The following FER1L5 variants were observed in gnomAD, a reference collection of about 807,000 sequenced individuals.
The protein encoded by FER1L5 is fer-1-like protein 5.
A neutral mutation model predicts 279.9 loss-of-function variants in FER1L5; 187 were observed. That is an observed-to-expected ratio of 0.67 (90% CI 0.59 to 0.75). FER1L5 has a LOEUF of 0.75. Among genes scored for constraint, FER1L5 ranks in the 30% least tolerant of loss-of-function variants. The probability of loss-of-function intolerance (pLI) is 0.00; values close to 1 mark genes in which losing one functional copy is unlikely to be tolerated. For missense variants in FER1L5, 2,091 were observed against 2,594.4 expected (o/e 0.81, Z 4.21); for synonymous variants, 921 against 989.7 (o/e 0.93, Z 1.30).
Position 96,694,109 on chromosome 2 carries a change from C to T in FER1L5, c.3636+37C>T, listed in dbSNP as rs2077266147. 1.3e-6 allele frequency: 2 copies of T among 1,515,698 alleles called. No individual in the cohort carries two copies. The highest frequency in any genetic ancestry group is 2.5e-5 in the East Asian group (1 of 40,666). The allele number at this position is 1,515,698 out of a possible 1,614,324, so 93.9% of individuals were successfully genotyped here. ...GAGGGCCTGGCTGGGAAGTGTGGCACTCAGTGCCCCTCCCCGTCCCACCCC... is the reference window on the plus strand; with the variant it reads ...GAGGGCCTGGCTGGGAAGTGTGGCATTCAGTGCCCCTCCCCGTCCCACCCC... On this transcript the variant is annotated intron_variant, in intron 33 of 52. Coordinates refer to ENST00000624922, the MANE Select transcript of FER1L5 (RefSeq NM_001293083.2). This position sits in a 1 kb window ranked among gnomAD's most constrained non-coding sequence, Gnocchi z 4.6.
At position 96,670,128 on chromosome 2, in the gene FER1L5, G is replaced by C; in HGVS notation, c.1372G>C (p.Asp458His). The change falls in exon 18 of 53, where the codon GAC (aspartate) becomes CAC (histidine). Residue 458 changes from aspartate (D) to histidine (H), a missense_variant. Asp to His is a moderately conservative substitution (Grantham distance 81). Coordinates refer to ENST00000624922, the MANE Select transcript of FER1L5 (RefSeq NM_001293083.2). ...CTCTCGCTTGCCCTAGTGTATTCCC[G>C]ACTCTGTTAGGGATGGTTTAGCTTA... ...RIQEEGACIP[D>H]SVRDGLAYRG... is the part of the protein sequence containing the mutation. 6.4e-7 allele frequency: 1 copy of C among 1,551,468 alleles called. No individual in the cohort carries two copies. The highest frequency in any genetic ancestry group is 1.2e-5 in the South Asian group (1 of 84,042).
At chr2:96,659,465 C>CTT (rs1225831962) in intron 9 of FER1L5, among the ~76,000 whole-genome samples, 4 of 25,398 alleles carry the variant, frequency 1.6e-4, no homozygotes, top group African/African-American at 3.6e-4. Context: ...TTCTTTCTTT[C>CTT]TTTCTTTCTT....
At position 96,689,663 on chromosome 2, in the gene FER1L5, A is replaced by G. The variant is rs2077065641; in HGVS notation, c.2545A>G (p.Ile849Val). 1.3e-6 allele frequency: 2 copies of G among 1,551,118 alleles called. No individual in the cohort carries two copies. The highest frequency in any genetic ancestry group is 1.7e-6 in the Non-Finnish European group (2 of 1,146,884). ...PQRRLLLDID[I>V]NKSQVLEEVY... ...CCCCAGGCTCCTCCTGGACATAGAC[A>G]TCAACAAGAGCCAGGTGCTGGAGGA... Residue 849 changes from isoleucine to valine, a missense_variant, in exon 26 of 53, where the codon ATC (isoleucine) becomes GTC (valine). Transcript: ENST00000624922. This position sits in a 1 kb window ranked among gnomAD's most constrained non-coding sequence, Gnocchi z 4.6.
rs746419138 is a variant in FER1L5, at chr2:96,700,462, C to A, written c.5061C>A (p.Gly1687=). The part of the protein sequence containing the change: ...TRTLYSHSQP[G]IDQGKVQMWV... ...CACTGTACAGCCACAGCCAGCCAGG[C>A]ATCGACCAGGTATGAGACTGGAGGG... is the stretch of plus-strand genomic sequence containing the variant. The change falls in exon 45 of 53, where the codon GGC becomes GGA. Residue 1687 remains glycine, a synonymous_variant. Transcript: ENST00000624922. 1 of 1,613,398 alleles carries A rather than the reference C, an allele frequency of 6.2e-7. No homozygotes were observed. Among genetic ancestry groups the A allele is most frequent in the Non-Finnish European group, 8.5e-7 (1 of 1,179,882 alleles).
intron 9 of FER1L5, among the ~76,000 whole-genome samples, chr2:96,658,993 T>C (rs1358478288): frequency 6.6e-6 from 1 of 152,116 alleles, no homozygotes; most frequent in Non-Finnish European, 1.5e-5. Flanking sequence ...TCACCCAGGC[T>C]GGAGTGCAGT....
intron 24 of FER1L5, among the ~76,000 whole-genome samples, chr2:96,688,403 G>T (rs1006332386): frequency 2.6e-5 from 4 of 152,276 alleles, no homozygotes; most frequent in Admixed American, 2.6e-4. Flanking sequence ...GGAGGTGAAG[G>T]CCTAGAATGG....
intron 19 of FER1L5, among the ~76,000 whole-genome samples, chr2:96,678,213 C>T (rs1180017860): frequency 6.6e-6 from 1 of 151,442 alleles, no homozygotes; most frequent in Non-Finnish European, 1.5e-5. Context: ...CAACCTCCGC[C>T]CGCCCCCCGG....
At chr2:96,651,466 TCCG>T (rs2075378728) in intron 6 of FER1L5, among the ~76,000 whole-genome samples, 2 of 147,338 alleles carry the variant, frequency 1.4e-5, no homozygotes, top group African/African-American at 2.5e-5. Context: ...TTTTCCTTCC[TCCG>T]TCCCTCCCTC....
intron 18 of FER1L5, 65 bp downstream of exon 18, chr2:96,670,312 G>C (rs909865521): frequency 5.2e-6 from 8 of 1,538,928 alleles, no homozygotes; most frequent in Non-Finnish European, 7.0e-6. Context: ...ATCTACTGTG[G>C]ATCCCAGTTT....
At chr2:96,660,470 G>C (rs187025432) in intron 10 of FER1L5, 99 bp downstream of exon 10, 2 of 1,029,154 alleles carry the variant, frequency 1.9e-6, no homozygotes. Context: ...CATGGGTGGA[G>C]GGGAGTATTA....
chr2:96,654,413 A>G, intron 8 of FER1L5, 33 bp from the exon 9 acceptor site: 1 of 399,012 alleles, frequency 2.5e-6, no homozygotes, highest in Non-Finnish European at 4.4e-6. Flanking sequence ...GGGATTGTGA[A>G]TAATTAAAAT....
intron 23 of FER1L5, among the ~76,000 whole-genome samples, chr2:96,686,789 C>T (rs1425853890): frequency 7.3e-6 from 1 of 137,894 alleles, no homozygotes; most frequent in Non-Finnish European, 1.5e-5. Flanking sequence ...ACCTGGGAGA[C>T]GGAGGTTGCA....
chr2:96,683,450 C>T (rs1236727950), intron 19 of FER1L5, among the ~76,000 whole-genome samples: 2 of 152,064 alleles, frequency 1.3e-5, no homozygotes, highest in African/African-American at 4.8e-5. Flanking sequence ...TCCTTAAGGG[C>T]CCACCCTGCT....
At chr2:96,685,255 A>G (rs2076877461) in intron 20 of FER1L5, 74 bp from the exon 21 acceptor site, 2 of 1,332,420 alleles carry the variant, frequency 1.5e-6, no homozygotes, top group East Asian at 5.1e-5. Context: ...TCTTGGGCCA[A>G]TCAGCCCTGT....
intron 18 of FER1L5, among the ~76,000 whole-genome samples, chr2:96,670,581 C>T (rs1175287832): frequency 6.6e-6 from 1 of 151,658 alleles, no homozygotes; most frequent in Non-Finnish European, 1.5e-5. Flanking sequence ...AGTTTCAGAC[C>T]AGCCTGGGCA....
At chr2:96,662,177 G>T (rs1436357305) in intron 12 of FER1L5, 38 bp from the exon 13 acceptor site, 2 of 1,547,218 alleles carry the variant, frequency 1.3e-6, no homozygotes, top group Non-Finnish European at 1.7e-6. Flanking sequence ...CCTGAAAAAT[G>T]CTGCTGGCTC....
At chr2:96,701,042 A>G (rs2139406) in intron 45 of FER1L5, among the ~76,000 whole-genome samples, 24,351 of 152,264 alleles carry the variant, frequency 0.16, 3,554 homozygotes, top group African/African-American at 0.39. Context: ...GGCCAGGTGC[A>G]GTGGCTCACG....
At chr2:96,669,985 C>T (rs563171709) in intron 17 of FER1L5, 134 bp from the exon 18 acceptor site, 84 of 1,218,136 alleles carry the variant, frequency 6.9e-5, no homozygotes, top group Admixed American at 4.0e-4. Flanking sequence ...AATTCTTCTC[C>T]GGGATTGTGG....
chr2:96,704,532 A>G lies in FER1L5; in HGVS notation c.6014A>G (p.Asn2005Ser). The G allele has an allele frequency of 1.2e-6, 2 of 1,613,868 alleles. No homozygotes were observed. The highest frequency in any genetic ancestry group is 1.7e-6 in the Non-Finnish European group (2 of 1,179,872). ...LQLYPPIKIFNIINSLNTSNA... is the reference protein window; with the variant it reads ...LQLYPPIKIFSIINSLNTSNA... ...CTGTATCCTCCCATTAAAATATTCA[A>G]TATCATCAATTCACTAAACACCAGC... The change falls in exon 53 of 53, where the codon AAT (asparagine) becomes AGT (serine). Residue 2005 changes from asparagine to serine, a missense_variant. Physicochemically the swap from Asn to Ser is conservative, Grantham distance 46. Transcript: ENST00000624922.
Sources: gnomAD v4.1 joint callset for allele counts (sites outside exome capture counted in the v4.1 genomes callset) on GRCh38, gnomAD v4.1.1 for gene constraint, Gnocchi (gnomAD v3.1) non-coding constraint, MANE v1.5 for transcripts, NCBI Gene and HGNC (gene_info 2026-07-23, HGNC 2026-07-21) for gene names.